TNPO3: variants seen among roughly 807,000 people sequenced by gnomAD.
TNPO3 encodes the protein transportin-3.
A neutral mutation model predicts 122.8 loss-of-function variants in TNPO3; 65 were observed. The ratio of observed to expected loss-of-function variants is 0.53; its 90% CI spans 0.43 to 0.65. The LOEUF is 0.65. Ranked by LOEUF, TNPO3 falls within the 30% of genes least tolerant of loss-of-function variation. TNPO3 has a pLI of 0.00. For synonymous variants in TNPO3, 372 were observed against 411.2 expected, an observed-to-expected ratio of 0.90 and a Z score of 1.15; for missense variants, 850 against 1,136.7, an observed-to-expected ratio of 0.75 and a Z score of 3.63.
chr7:129,018,167 T>C lies in TNPO3; in HGVS notation c.121-10A>G. 1 of 1,613,668 alleles carries C rather than the reference T, an allele frequency of 6.2e-7. No individual in the cohort carries two copies. The highest frequency in any genetic ancestry group is 8.5e-7 in the Non-Finnish European group (1 of 1,179,804). On this transcript the variant is annotated splice_polypyrimidine_tract_variant and intron_variant, in intron 1 of 22. Coordinates refer to ENST00000265388, the MANE Select transcript of TNPO3 (RefSeq NM_012470.4). ...TCTCCCATGCATGAACCTGAAAGCG[T>C]ATTAGACAAAGATGTCTTAAAGAAG...
intron 5 of TNPO3, among the ~76,000 whole-genome samples, chr7:129,004,122 T>C (rs1802312551): frequency 6.6e-6 from 1 of 152,176 alleles, no homozygotes; most frequent in Non-Finnish European, 1.5e-5. Flanking sequence ...GATGCAAAAA[T>C]GACACAGAAA....
intron 3 of TNPO3, among the ~76,000 whole-genome samples, chr7:129,015,825 C>A (rs980856426): frequency 6.7e-6 from 1 of 149,988 alleles, no homozygotes; most frequent in East Asian, 2.0e-4. Context: ...AGAGTGAGAC[C>A]CTGTTTCAAA....
chr7:129,021,518 A>G (rs948228334), intron 1 of TNPO3, among the ~76,000 whole-genome samples: 1 of 152,174 alleles, frequency 6.6e-6, no homozygotes, highest in Non-Finnish European at 1.5e-5. Flanking sequence ...ATGAAAAAAA[A>G]CAAAATAATA....
In TNPO3 at chr7:128,990,099, C is replaced by A; in HGVS notation, c.1360G>T (p.Glu454Ter). The change falls in exon 11 of 23, where the codon GAA (glutamate) becomes TAA (stop). Residue 454 changes from glutamate to a stop codon, truncating the protein, a stop_gained and splice_region_variant. Coordinates refer to ENST00000265388, the MANE Select transcript of TNPO3 (RefSeq NM_012470.4). LOFTEE classifies it high-confidence loss of function. ...ACTTCCACAAGTGTTGGATTGTTTTCCCTGAGTACAGGCGGTAAGTACTCA... is the reference window on the plus strand; with the variant it reads ...ACTTCCACAAGTGTTGGATTGTTTTACCTGAGTACAGGCGGTAAGTACTCA... ...MAAIAKSVDPENNPTLVEVLE... is the reference protein window; with the variant it reads ...MAAIAKSVDP The A allele has an allele frequency of 6.2e-7, 1 of 1,614,190 alleles. No homozygotes were observed.
At chr7:128,991,964 T>C (rs766719671) in intron 10 of TNPO3, 35 bp downstream of exon 10, 3 of 1,437,018 alleles carry the variant, frequency 2.1e-6, no homozygotes, top group Non-Finnish European at 2.9e-6. Context: ...TCTTGATATT[T>C]AGAGTTCCCA....
chr7:129,042,021 C>A (rs1339450900), intron 1 of TNPO3, among the ~76,000 whole-genome samples: 1 of 152,090 alleles, frequency 6.6e-6, no homozygotes, highest in Non-Finnish European at 1.5e-5. Flanking sequence ...ACTGAGCAGG[C>A]CCTCAACAAT....
At chr7:128,973,843 T>C (rs1798772823) in intron 18 of TNPO3, among the ~76,000 whole-genome samples, 1 of 147,338 alleles carries the variant, frequency 6.8e-6, no homozygotes, top group South Asian at 2.1e-4. Flanking sequence ...AAAGGGTTTT[T>C]CTAACCTATC....
intron 4 of TNPO3, among the ~76,000 whole-genome samples, chr7:129,006,848 T>C (rs115672012): frequency 2.5e-3 from 386 of 152,318 alleles, no homozygotes; most frequent in African/African-American, 8.8e-3. Context: ...AATGACTGTA[T>C]ACCAGCTCAT....
intron 21 of TNPO3, among the ~76,000 whole-genome samples, chr7:128,958,019 G>T (rs1318907306): frequency 6.6e-6 from 1 of 151,792 alleles, no homozygotes; most frequent in African/African-American, 2.4e-5. Flanking sequence ...GTCCAAAACT[G>T]TCACCAAGAA....
At chr7:128,973,281 CTTGT>C (rs1387017225) in intron 18 of TNPO3, among the ~76,000 whole-genome samples, 4 of 152,070 alleles carry the variant, frequency 2.6e-5, no homozygotes, top group African/African-American at 9.7e-5. Flanking sequence ...AGTAGTTTTG[CTTGT>C]TTATTTTTTC....
intron 2 of TNPO3, 152 bp from the exon 3 acceptor site, chr7:129,017,208 C>G (rs1029829583): frequency 2.9e-6 from 2 of 690,318 alleles, no homozygotes; most frequent in Non-Finnish European, 4.8e-6. Context: ...CAATTCTATA[C>G]ATCTGATGTA....
intron 1 of TNPO3, among the ~76,000 whole-genome samples, chr7:129,038,798 A>G (rs1212810086): frequency 3.3e-5 from 5 of 152,202 alleles, no homozygotes; most frequent in African/African-American, 1.2e-4. Context: ...ACATGAACAC[A>G]AAGAAGACAG....
intron 13 of TNPO3, among the ~76,000 whole-genome samples, 153 bp downstream of exon 13, chr7:128,984,015 G>C (rs376235345): frequency 1.3e-5 from 2 of 152,150 alleles, no homozygotes; most frequent in Non-Finnish European, 2.9e-5. Flanking sequence ...ATTGTATGCA[G>C]CTACTTTGAT....
At chr7:128,966,952 G>A (rs575353234) in intron 21 of TNPO3, among the ~76,000 whole-genome samples, 8 of 152,228 alleles carry the variant, frequency 5.3e-5, no homozygotes, top group African/African-American at 1.2e-4. Flanking sequence ...CCTGACCCCC[G>A]AATGTGGATG....
At position 129,017,054 on chromosome 7, in the gene TNPO3, C is replaced by A. The variant is rs762539078; in HGVS notation, c.324G>T (p.Leu108=). The A allele has an allele frequency of 6.2e-7, 1 of 1,611,302 alleles. No homozygotes were observed. The highest frequency in any genetic ancestry group is 8.5e-7 in the Non-Finnish European group (1 of 1,179,598). ...KDLSPVIVTQ[L]ALAIADLALQ... is the part of the protein sequence containing the mutation. ...GGGCAAGATCTGCTATTGCTAAAGC[C>A]AGCTGAATAAGAGAGATTAAATAAA... is the stretch of plus-strand genomic sequence containing the variant. Residue 108 remains leucine (L), a splice_region_variant and synonymous_variant, in exon 3 of 23, where the codon CTG becomes CTT. Transcript: ENST00000265388.
At chr7:129,045,521 T>G (rs1171335441) in intron 1 of TNPO3, among the ~76,000 whole-genome samples, 1 of 146,602 alleles carries the variant, frequency 6.8e-6, no homozygotes, top group East Asian at 2.0e-4. Context: ...GTTAAAATGC[T>G]AAATTTATGT....
chr7:128,955,467 A>G (rs551130488), intron 22 of TNPO3, 82 bp from the exon 23 acceptor site: 30 of 372,372 alleles, frequency 8.1e-5, no homozygotes, highest in Admixed American at 2.2e-4. Context: ...AGAGGTTTCT[A>G]TATTTCCTCA....
intron 1 of TNPO3, among the ~76,000 whole-genome samples, chr7:129,043,045 T>C (rs1439029214): frequency 1.3e-5 from 2 of 152,012 alleles, no homozygotes; most frequent in Non-Finnish European, 2.9e-5. Context: ...GCTAAATATA[T>C]AATCAAAAGG....
At chr7:129,011,436 C>T (rs376365767) in intron 4 of TNPO3, among the ~76,000 whole-genome samples, 3 of 152,252 alleles carry the variant, frequency 2.0e-5, no homozygotes, top group East Asian at 1.9e-4. Flanking sequence ...CTCTGCCTCC[C>T]GGGTTCAAGC....
Sources: gnomAD v4.1 joint callset for allele counts (sites outside exome capture counted in the v4.1 genomes callset) on GRCh38, gnomAD v4.1.1 for gene constraint, MANE v1.5 for transcripts, NCBI Gene and HGNC (gene_info 2026-07-23, HGNC 2026-07-21) for gene names.